The following AGTPBP1 variants were observed in gnomAD, a reference collection of about 807,000 sequenced individuals.
The protein encoded by AGTPBP1 is cytosolic carboxypeptidase 1.
In AGTPBP1, 70 loss-of-function variants were observed where a neutral mutation model predicts 143.9. The ratio of observed to expected loss-of-function variants is 0.49; its 90% CI spans 0.40 to 0.59. AGTPBP1 has a LOEUF of 0.59. Ranked by LOEUF, AGTPBP1 falls within the 20% of genes least tolerant of loss-of-function variation. The pLI, the probability that AGTPBP1 is intolerant of heterozygous loss-of-function variation, is 0.00. For missense variants in AGTPBP1, 1,229 were observed against 1,464.5 expected (o/e 0.84, Z 2.62); for synonymous variants, 463 against 500.2 (o/e 0.93, Z 0.99).
At chr9:85,623,818 T>C (rs899711128) in intron 14 of AGTPBP1, among the ~76,000 whole-genome samples, 6 of 151,280 alleles carry the variant, frequency 4.0e-5, no homozygotes, top group African/African-American at 1.5e-4. Context: ...GTTAAGCAGA[T>C]CAACTTTTAT....
chr9:85,632,909 C>T lies in AGTPBP1; in HGVS notation c.1768G>A (p.Gly590Arg). The change falls in exon 14 of 26, where the codon GGG becomes AGG. Residue 590 changes from glycine to arginine, a missense_variant. Coordinates refer to ENST00000357081, the MANE Select transcript of AGTPBP1 (RefSeq NM_001330701.2). ...VLFEGRTVQL[G>R]KLCCTGVETE... is the part of the protein sequence containing the mutation. ...TCAACTCCAGTGCAGCAAAGCTTCC[C>T]TAGCTGAACTGTTCTTCCCTCAAAC... 2 of 1,614,116 alleles carry T rather than the reference C, an allele frequency of 1.2e-6. No homozygotes were observed. Among genetic ancestry groups the T allele is most frequent in the Non-Finnish European group, 1.7e-6 (2 of 1,180,014 alleles).
intron 23 of AGTPBP1, 136 bp from the exon 24 acceptor site, chr9:85,579,232 AT>A: frequency 1.2e-6 from 1 of 802,774 alleles, no homozygotes; most frequent in Non-Finnish European, 1.8e-6. Flanking sequence ...ATCCCTTGCC[AT>A]TCAAACAGCA....
chr9:85,710,614 T>C (rs1404579115), intron 2 of AGTPBP1, among the ~76,000 whole-genome samples: 2 of 152,092 alleles, frequency 1.3e-5, no homozygotes, highest in Non-Finnish European at 2.9e-5. Context: ...TGACAAGTTT[T>C]ACTAGAAATT....
At chr9:85,644,254 T>C (rs1832676853) in intron 12 of AGTPBP1, among the ~76,000 whole-genome samples, 1 of 151,876 alleles carries the variant, frequency 6.6e-6, no homozygotes, top group Non-Finnish European at 1.5e-5. Context: ...TAATTTAATC[T>C]CTTTAAATTA....
In AGTPBP1 at chr9:85,579,298, T is replaced by C. The variant is rs1828090606; in HGVS notation, c.3166-202A>G. 5.3e-5 allele frequency among the ~76,000 whole-genome samples: 8 copies of C among 152,210 alleles called. No homozygotes were observed. In the South Asian group the frequency reaches 1.5e-3, roughly 28 times the overall value. On this transcript the variant is annotated intron_variant, in intron 23 of 25. Transcript: ENST00000357081. ...TCTGCTTTTCTAAACAAATATAGTA[T>C]CCAGTTACAAAACAATGGAAGAATC...
At chr9:85,685,502 G>T (rs978509261) in intron 3 of AGTPBP1, among the ~76,000 whole-genome samples, 2 of 151,944 alleles carry the variant, frequency 1.3e-5, no homozygotes, top group African/African-American at 2.4e-5. Flanking sequence ...AAAAGACGAT[G>T]ACGATGAAAC....
At chr9:85,632,625 A>G in intron 14 of AGTPBP1, 37 bp downstream of exon 14, 1 of 1,506,554 alleles carries the variant, frequency 6.6e-7, no homozygotes, top group Non-Finnish European at 8.9e-7. Flanking sequence ...TCTTGACAAT[A>G]GCCTTATTTA....
At chr9:85,752,245 A>G in the AGTPBP1 span, among the ~76,000 whole-genome samples, 1 of 151,952 alleles carries the variant, frequency 6.6e-6, no homozygotes, top group Non-Finnish European at 1.5e-5. Context: ...TAGAAAAAAA[A>G]AAGATGTGGA....
At chr9:85,624,983 C>G (rs1831181223) in intron 14 of AGTPBP1, among the ~76,000 whole-genome samples, 1 of 152,180 alleles carries the variant, frequency 6.6e-6, no homozygotes, top group Non-Finnish European at 1.5e-5. Flanking sequence ...TTTTCAACCA[C>G]TGCACATTAT....
At chr9:85,693,733 T>C (rs954030370) in intron 2 of AGTPBP1, among the ~76,000 whole-genome samples, 1 of 152,058 alleles carries the variant, frequency 6.6e-6, no homozygotes, top group African/African-American at 2.4e-5. Flanking sequence ...TAGGTAAATA[T>C]GTACATTTTA....
At chr9:85,753,075 C>T in the AGTPBP1 span, among the ~76,000 whole-genome samples, 2 of 152,120 alleles carry the variant, frequency 1.3e-5, no homozygotes, top group African/African-American at 4.8e-5. Flanking sequence ...AGAGCCCCAA[C>T]TGTCATCTAC....
chr9:85,562,130 T>C (rs1669269994), intron 25 of AGTPBP1, among the ~76,000 whole-genome samples: 1 of 151,916 alleles, frequency 6.6e-6, no homozygotes, highest in Non-Finnish European at 1.5e-5. Context: ...AAAGTGAGAC[T>C]GCATGAAGTA....
chr9:85,659,116 A>C (rs1833705892), intron 9 of AGTPBP1, among the ~76,000 whole-genome samples: 1 of 152,196 alleles, frequency 6.6e-6, no homozygotes, highest in Non-Finnish European at 1.5e-5. Flanking sequence ...ATAAGTAAGA[A>C]ACTTGCCCAT....
At chr9:85,649,982 T>A (rs535113538) in intron 11 of AGTPBP1, among the ~76,000 whole-genome samples, 17 of 151,990 alleles carry the variant, frequency 1.1e-4, no homozygotes, top group African/African-American at 3.6e-4. Flanking sequence ...GATCTGTAGG[T>A]TGTTTCAGAT....
chr9:85,753,153 G>A, the AGTPBP1 span, among the ~76,000 whole-genome samples: 1 of 152,134 alleles, frequency 6.6e-6, no homozygotes, highest in Non-Finnish European at 1.5e-5. Context: ...TTGAGCCCAG[G>A]AGTTTGAGGC....
At chr9:85,724,868 C>A (rs902896202) in intron 1 of AGTPBP1, among the ~76,000 whole-genome samples, 1 of 152,068 alleles carries the variant, frequency 6.6e-6, no homozygotes, top group Non-Finnish European at 1.5e-5. Context: ...TTAATGAATG[C>A]TTTTAAGTTT....
the AGTPBP1 span, among the ~76,000 whole-genome samples, chr9:85,757,131 A>G: frequency 6.6e-6 from 1 of 152,108 alleles, no homozygotes; most frequent in Non-Finnish European, 1.5e-5. Context: ...CAGTGGCGCG[A>G]TCTGTGCTCA....
intron 3 of AGTPBP1, among the ~76,000 whole-genome samples, chr9:85,682,648 A>G (rs1425040977): frequency 6.6e-6 from 1 of 152,202 alleles, no homozygotes; most frequent in Non-Finnish European, 1.5e-5. Context: ...ATATTCCACA[A>G]TGAAGTTCAA....
At chr9:85,593,029 CAA>C (rs1411885973) in intron 18 of AGTPBP1, among the ~76,000 whole-genome samples, 1 of 152,112 alleles carries the variant, frequency 6.6e-6, no homozygotes, top group Non-Finnish European at 1.5e-5. Flanking sequence ...CTACTACAAT[CAA>C]GAGAGGAAAG....
Sources: gnomAD v4.1 joint callset for allele counts (sites outside exome capture counted in the v4.1 genomes callset) on GRCh38, gnomAD v4.1.1 for gene constraint, MANE v1.5 for transcripts, NCBI Gene and HGNC (gene_info 2026-07-23, HGNC 2026-07-21) for gene names.